The following MOB3A variants were observed in gnomAD, a reference collection of about 807,000 sequenced individuals.
MOB3A encodes MOB kinase activator 3A, also known as MOB LAK.
In MOB3A, 17 loss-of-function variants were observed where a neutral mutation model predicts 17.8. The ratio of observed to expected loss-of-function variants is 0.95; its 90% CI spans 0.65 to 1.43. MOB3A has a LOEUF of 1.43. Ranked by LOEUF, MOB3A falls within the 40% of genes most tolerant of loss-of-function variation. The pLI is 0.00. For synonymous variants in MOB3A, 124 were observed against 133.2 expected, an observed-to-expected ratio of 0.93 and a Z score of 0.48; for missense variants, 333 against 310.8, an observed-to-expected ratio of 1.07 and a Z score of -0.54.
chr19:2,095,185 C>T (rs1423759212), intron 1 of MOB3A: 1 of 152,184 alleles, frequency 6.6e-6, no homozygotes, highest in Non-Finnish European at 1.5e-5. Context: ...CAAAAACAAA[C>T]AAACAAACAA....
In MOB3A at chr19:2,079,226, C is replaced by T. The variant is rs138024361; in HGVS notation, c.-119-547G>A. ...GCAGGGGCCGCATCTTCCCCGGTGC[C>T]GATGCCTGGCCCGGACCTAGACTTG... On this transcript the variant is annotated intron_variant, in intron 2 of 4. Coordinates refer to ENST00000357066, the MANE Select transcript of MOB3A (RefSeq NM_130807.3). Among the ~76,000 whole-genome samples, 293 of 152,382 alleles carry T rather than the reference C, an allele frequency of 1.9e-3. 3 individuals carry two copies. The highest frequency in any genetic ancestry group is 6.6e-3 in the African/African-American group (273 of 41,588).
rs2017349012 is a variant in MOB3A at position 2,072,374 on chromosome 19, G to C, written c.*1021C>G. 1.3e-5 allele frequency: 2 copies of C among 152,218 alleles called. No individual in the cohort carries two copies. The highest frequency in any genetic ancestry group is 6.5e-5 in the Admixed American group (1 of 15,276). The allele number at this position is 152,218 out of a possible 1,614,324, so 9.4% of individuals were successfully genotyped here. A position where few individuals can be genotyped will look rare whatever the true frequency, so the allele number is the denominator to read the frequency against. ...GAGAATCACTTGAACCCAGGAGGTGGAGGATGCAGTGAGCCGAGATTGTGC... is the reference window on the plus strand; with the variant it reads ...GAGAATCACTTGAACCCAGGAGGTGCAGGATGCAGTGAGCCGAGATTGTGC... On this transcript the variant is annotated 3_prime_UTR_variant, in exon 5 of 5. Transcript: ENST00000357066.
Position 2,071,852 on chromosome 19 carries a change from T to A in MOB3A, c.*1543A>T, listed in dbSNP as rs1402763909. ...TGATCATAAGCAAAGTGGACATCGT[T>A]CCGAAGAGGCAGAGAGCTCACTATG... On this transcript the variant is annotated 3_prime_UTR_variant, in exon 5 of 5. Coordinates refer to ENST00000357066, the MANE Select transcript of MOB3A (RefSeq NM_130807.3). 5 of 152,398 alleles carry A rather than the reference T, an allele frequency of 3.3e-5. No individual in the cohort carries two copies. The highest frequency in any genetic ancestry group is 7.3e-5 in the Non-Finnish European group (5 of 68,216). 9.4% of individuals were successfully genotyped at this position (152,398 alleles called of 1,614,324 possible). A position where few individuals can be genotyped will look rare whatever the true frequency, so the allele number is the denominator to read the frequency against.
intron 1 of MOB3A, among the ~76,000 whole-genome samples, chr19:2,089,183 G>A (rs971341345): frequency 6.6e-6 from 1 of 152,202 alleles, no homozygotes; most frequent in Non-Finnish European, 1.5e-5. Context: ...CATTTGCTGG[G>A]GCCCTGGAGG....
At chr19:2,073,566 G>A (rs2017367216) in intron 4 of MOB3A, 142 bp from the exon 5 acceptor site, 3 of 1,052,968 alleles carry the variant, frequency 2.8e-6, no homozygotes, top group Non-Finnish European at 4.3e-6. Flanking sequence ...AACCACACAG[G>A]CAATGGCACA....
chr19:2,074,028 C>T (rs1300439506), intron 4 of MOB3A, among the ~76,000 whole-genome samples: 1 of 151,390 alleles, frequency 6.6e-6, no homozygotes, highest in Non-Finnish European at 1.5e-5. Flanking sequence ...GAGACTCTGT[C>T]TCAAAAAAGA....
At position 2,073,135 on chromosome 19, in the gene MOB3A, G is replaced by C. The variant is rs1485988106; in HGVS notation, c.*260C>G. The C allele has an allele frequency of 2.7e-5, 15 of 555,966 alleles. No individual in the cohort carries two copies. The highest frequency in any genetic ancestry group is 4.8e-5 in the Non-Finnish European group (15 of 313,130). 34.4% of individuals were successfully genotyped at this position (555,966 alleles called of 1,614,324 possible). A position where few individuals can be genotyped will look rare whatever the true frequency, so the allele number is the denominator to read the frequency against. ...TGGAAGTGGTTTAAAAACACAGTGG[G>C]CTTTTCCGGTTGCTAGTAACACATA... On this transcript the variant is annotated 3_prime_UTR_variant, in exon 5 of 5. Transcript: ENST00000357066.
At position 2,093,421 on chromosome 19, in the gene MOB3A, C is replaced by G. The variant is rs890316859; in HGVS notation, c.-274+2805G>C. Among the ~76,000 whole-genome samples the G allele has an allele frequency of 2.0e-5, 3 of 152,148 alleles. No homozygotes were observed. Among genetic ancestry groups the G allele is most frequent in the African/African-American group, 7.2e-5 (3 of 41,452 alleles). ...GAAAAGGCAAATCCGACTTCAGAAA[C>G]GGGATTCTGGGAGGAGGCCTTCACT... is the stretch of plus-strand genomic sequence containing the variant. On this transcript the variant is annotated intron_variant, in intron 1 of 4. Transcript: ENST00000357066. The surrounding 1 kb of genome is among the most constrained non-coding windows in gnomAD (Gnocchi z 4.6).
At chr19:2,083,911 G>A (rs1045478562) in intron 2 of MOB3A, among the ~76,000 whole-genome samples, 2 of 152,126 alleles carry the variant, frequency 1.3e-5, no homozygotes, top group East Asian at 1.9e-4. Context: ...GGGAGAAAGC[G>A]GCTGTTCCCA....
chr19:2,073,345 G>A lies in MOB3A; in HGVS notation c.*50C>T. The A allele has an allele frequency of 6.2e-7, 1 of 1,608,696 alleles. No homozygotes were observed. Reference sequence around the variant, plus strand: ...ATGGTTCCAGAGCGTCCTCCTCCAAGTCTCCGAGGCCCCAGCGGCGGTTCG... The same window carrying A: ...ATGGTTCCAGAGCGTCCTCCTCCAAATCTCCGAGGCCCCAGCGGCGGTTCG... On this transcript the variant is annotated 3_prime_UTR_variant, in exon 5 of 5. Coordinates refer to ENST00000357066, the MANE Select transcript of MOB3A (RefSeq NM_130807.3).
intron 4 of MOB3A, among the ~76,000 whole-genome samples, chr19:2,073,834 C>T (rs2017370450): frequency 6.6e-6 from 1 of 152,114 alleles, no homozygotes; most frequent in Non-Finnish European, 1.5e-5. Context: ...AGTTCAAGAC[C>T]AGCCTGGATA....
chr19:2,089,155 A>C (rs117583245), intron 1 of MOB3A, among the ~76,000 whole-genome samples: 1 of 152,296 alleles, frequency 6.6e-6, no homozygotes, highest in East Asian at 1.9e-4. Context: ...CTTTGCTGTC[A>C]TTAGTAAACA....
intron 2 of MOB3A, among the ~76,000 whole-genome samples, chr19:2,084,891 G>T (rs1429694747): frequency 6.7e-6 from 1 of 148,168 alleles, no homozygotes; most frequent in Non-Finnish European, 1.5e-5. Context: ...GCCCGGCCTA[G>T]TTTTTTTTTT....
intron 2 of MOB3A, among the ~76,000 whole-genome samples, chr19:2,080,441 G>A (rs540356762): frequency 6.6e-6 from 1 of 151,974 alleles, no homozygotes; most frequent in Non-Finnish European, 1.5e-5. Context: ...GCAGTAGCGC[G>A]ATCTCAGCTC....
At position 2,085,284 on chromosome 19, in the gene MOB3A, C is replaced by T. The variant is rs1028007900; in HGVS notation, c.-229G>A. 6.6e-6 allele frequency: 1 copy of T among 152,196 alleles called. No homozygotes were observed. The highest frequency in any genetic ancestry group is 2.4e-5 in the African/African-American group (1 of 41,448). 9.4% of individuals were successfully genotyped at this position (152,196 alleles called of 1,614,324 possible). Reference sequence around the variant, plus strand: ...TTCCACACCAAGGCCTTCTGGGCTCCCCCGGTCTTCCCACGGACGAGACAC... The same window carrying T: ...TTCCACACCAAGGCCTTCTGGGCTCTCCCGGTCTTCCCACGGACGAGACAC... On this transcript the variant is annotated 5_prime_UTR_variant, in exon 2 of 5. Coordinates refer to ENST00000357066, the MANE Select transcript of MOB3A (RefSeq NM_130807.3).
At chr19:2,084,961 CAATCCTCCCACCTCAG>C in intron 2 of MOB3A, among the ~76,000 whole-genome samples, 198 bp downstream of exon 2, 1 of 151,788 alleles carries the variant, frequency 6.6e-6, no homozygotes, top group African/African-American at 2.4e-5. Context: ...TGGCCTCACG[CAATCCTCCCACCTCAG>C]CCTCCCAAAG....
In MOB3A at chr19:2,091,691, C is replaced by A. The variant is rs562949055; in HGVS notation, c.-274+4535G>T. The stretch of plus-strand genomic sequence containing the variant: ...GAGCTACTGCGCCCAGGCTCTAAGA[C>A]CTTTTTTGTTAAAGAAGGAATAAAA... On this transcript the variant is annotated intron_variant, in intron 1 of 4. Coordinates refer to ENST00000357066, the MANE Select transcript of MOB3A (RefSeq NM_130807.3). Among the ~76,000 whole-genome samples the A allele has an allele frequency of 1.1e-3, 161 of 150,664 alleles. 1 individual carries two copies. The highest frequency in any genetic ancestry group is 1.9e-3 in the Non-Finnish European group (132 of 67,704).
intron 1 of MOB3A, among the ~76,000 whole-genome samples, chr19:2,089,401 G>T (rs1240118524): frequency 1.3e-5 from 2 of 152,188 alleles, no homozygotes; most frequent in Non-Finnish European, 2.9e-5. Context: ...CATCGGCGTG[G>T]GTCACTCTCT....
chr19:2,093,081 C>T lies in MOB3A; in HGVS notation c.-274+3145G>A, dbSNP rs2017631752. Among the ~76,000 whole-genome samples, 1 of 152,152 alleles carries T rather than the reference C, an allele frequency of 6.6e-6. No individual in the cohort carries two copies. Among genetic ancestry groups the T allele is most frequent in the African/African-American group, 2.4e-5 (1 of 41,444 alleles). On this transcript the variant is annotated intron_variant, in intron 1 of 4. Coordinates refer to ENST00000357066, the MANE Select transcript of MOB3A (RefSeq NM_130807.3). The surrounding 1 kb of genome is among the most constrained non-coding windows in gnomAD (Gnocchi z 4.6). Reference sequence around the variant, plus strand: ...AAACTCCCCACCTTAAAACCCCAAGCTCAGTCAGCTGTGTGGGGAATTTTT... The same window carrying T: ...AAACTCCCCACCTTAAAACCCCAAGTTCAGTCAGCTGTGTGGGGAATTTTT...
Sources: allele counts gnomAD v4.1 joint callset (sites outside exome capture counted in the v4.1 genomes callset), GRCh38; gene constraint gnomAD v4.1.1; non-coding constraint Gnocchi (gnomAD v3.1); transcripts MANE v1.5; gene names NCBI Gene and HGNC (gene_info 2026-07-23, HGNC 2026-07-21).